The following ZSCAN2 variants were observed in gnomAD, a reference collection of about 807,000 sequenced individuals.
ZSCAN2 encodes zinc finger and SCAN domain-containing protein 2.
In ZSCAN2, 26 loss-of-function variants were observed where a neutral mutation model predicts 47.8. The ratio of observed to expected loss-of-function variants is 0.54; its 90% CI spans 0.40 to 0.75. The LOEUF (loss-of-function observed/expected upper bound fraction) is 0.75. Ranked by LOEUF, ZSCAN2 falls within the 30% of genes least tolerant of loss-of-function variation. ZSCAN2 has a pLI of 0.00. For synonymous variants in ZSCAN2, 305 were observed against 288.7 expected (o/e 1.06, Z -0.57); for missense variants, 732 against 785.4 (o/e 0.93, Z 0.81).
At chr15:84,620,343 T>C (rs568101865) in intron 2 of ZSCAN2, among the ~76,000 whole-genome samples, 198 of 152,334 alleles carry the variant, frequency 1.3e-3, no homozygotes, top group African/African-American at 4.7e-3. Context: ...CAATCTATCA[T>C]TGATGGGCAT....
chr15:84,606,627 C>T, intron 2 of ZSCAN2: 2 of 1,610,698 alleles, frequency 1.2e-6, no homozygotes, highest in Non-Finnish European at 1.7e-6. Flanking sequence ...TGATGGAGGG[C>T]TGAGGAGAGG....
chr15:84,622,439 G>C lies in ZSCAN2; in HGVS notation c.*399G>C. On this transcript the variant is annotated 3_prime_UTR_variant, in exon 3 of 3. Transcript: ENST00000546148. ...AGAAATACTGGAAATCATTGGTGTG[G>C]TTCTGGTTGTTTTGTTGTTTTGCTG... is the stretch of plus-strand genomic sequence containing the variant. The C allele has an allele frequency of 1.6e-6, 1 of 615,444 alleles. No individual in the cohort carries two copies. 38.1% of individuals were successfully genotyped at this position (615,444 alleles called of 1,614,324 possible).
Position 84,621,923 on chromosome 15 carries a change from TC to T in ZSCAN2, c.1729del (p.Gln577SerfsTer33). On this transcript the variant is annotated frameshift_variant, in exon 3 of 3. Coordinates refer to ENST00000546148, the MANE Select transcript of ZSCAN2 (RefSeq NM_181877.4). LOFTEE classifies it high-confidence loss of function. This position sits in a 1 kb window ranked among gnomAD's most constrained non-coding sequence, Gnocchi z 5.7. ...FSWNSVLIIH[Q>X]RIHTGEKPYK... Reference sequence around the variant, plus strand: ...GCTGGAACTCAGTCCTCATTATACATCAGCGAATCCACACTGGGGAGAAGCC... The same window carrying T: ...GCTGGAACTCAGTCCTCATTATACATAGCGAATCCACACTGGGGAGAAGCC... 1 of 1,613,844 alleles carries T rather than the reference TC, an allele frequency of 6.2e-7. No individual in the cohort carries two copies. The highest frequency in any genetic ancestry group is 8.5e-7 in the Non-Finnish European group (1 of 1,179,920).
In ZSCAN2 at chr15:84,621,892, G is replaced by C; in HGVS notation, c.1697G>C (p.Gly566Ala). 1 of 1,614,190 alleles carries C rather than the reference G, an allele frequency of 6.2e-7. No individual in the cohort carries two copies. The highest frequency in any genetic ancestry group is 8.5e-7 in the Non-Finnish European group (1 of 1,180,030). ...KPYRCPECGK[G>A]FSWNSVLIIH... The stretch of plus-strand genomic sequence containing the variant: ...TACAGGTGCCCTGAGTGTGGGAAAG[G>C]CTTTAGCTGGAACTCAGTCCTCATT... Residue 566 changes from glycine to alanine, a missense_variant, in exon 3 of 3, where the codon GGC becomes GCC. Coordinates refer to ENST00000546148, the MANE Select transcript of ZSCAN2 (RefSeq NM_181877.4). This position sits in a 1 kb window ranked among gnomAD's most constrained non-coding sequence, Gnocchi z 5.7.
chr15:84,601,064 G>A lies in ZSCAN2; in HGVS notation c.-180G>A, dbSNP rs949611564. The stretch of plus-strand genomic sequence containing the variant: ...GGGCTTGAGCCGGGGTGAATCTGGA[G>A]GGGCCGGGCCGAGCCCGGGGGCGCT... On this transcript the variant is annotated 5_prime_UTR_variant, in exon 1 of 3. Coordinates refer to ENST00000546148, the MANE Select transcript of ZSCAN2 (RefSeq NM_181877.4). 7.2e-5 allele frequency: 11 copies of A among 152,690 alleles called. No individual in the cohort carries two copies. The highest frequency in any genetic ancestry group is 1.9e-4 in the African/African-American group (8 of 41,590). 9.5% of individuals were successfully genotyped at this position (152,690 alleles called of 1,614,324 possible). A position where few individuals can be genotyped will look rare whatever the true frequency, so the allele number is the denominator to read the frequency against.
At chr15:84,615,745 A>G (rs988602971) in intron 2 of ZSCAN2, among the ~76,000 whole-genome samples, 2 of 151,672 alleles carry the variant, frequency 1.3e-5, no homozygotes, top group African/African-American at 2.4e-5. Context: ...CAAGATGCCT[A>G]TTCCCATTGC....
At position 84,621,872 on chromosome 15, in the gene ZSCAN2, G is replaced by T; in HGVS notation, c.1677G>T (p.Arg559Ser). ...CCCATTTGGGAGACAAGCCCTACAG[G>T]TGCCCTGAGTGTGGGAAAGGCTTTA... is the stretch of plus-strand genomic sequence containing the variant. Reference protein sequence around the residue: ...QRAHLGDKPYRCPECGKGFSW... With the variant: ...QRAHLGDKPYSCPECGKGFSW... Residue 559 changes from arginine (R) to serine (S), a missense_variant, in exon 3 of 3, where the codon AGG becomes AGT. Transcript: ENST00000546148. This position sits in a 1 kb window ranked among gnomAD's most constrained non-coding sequence, Gnocchi z 5.7. The T allele has an allele frequency of 6.2e-7, 1 of 1,614,160 alleles. No individual in the cohort carries two copies. Among genetic ancestry groups the T allele is most frequent in the African/African-American group, 1.3e-5 (1 of 75,032 alleles).
In ZSCAN2 at chr15:84,604,201, G is replaced by T; in HGVS notation, c.274G>T (p.Val92Leu). ...CTGCCGGCGCTGGCTGAGACCAGAG[G>T]TACACACCAAGGAGCAGATGTTAAC... ...ELCRRWLRPE[V>L]HTKEQMLTML... Residue 92 changes from valine to leucine, a missense_variant, in exon 2 of 3, where the codon GTA becomes TTA. Physicochemically the swap from Val to Leu is conservative, Grantham distance 32. Transcript: ENST00000546148. 6.2e-7 allele frequency: 1 copy of T among 1,613,908 alleles called. No individual in the cohort carries two copies. The highest frequency in any genetic ancestry group is 8.5e-7 in the Non-Finnish European group (1 of 1,179,928).
chr15:84,613,981 C>CTTTTTTT lies in ZSCAN2; in HGVS notation c.407-6602_407-6596dup, dbSNP rs35815000. Among the ~76,000 whole-genome samples, 16 of 52,338 alleles carry CTTTTTTT rather than the reference C, an allele frequency of 3.1e-4. 5 individuals carry two copies. The highest frequency in any genetic ancestry group is 1.9e-3 in the South Asian group (2 of 1,028). The allele number at this position is 52,338 out of a possible 152,430, so 34.3% of individuals were successfully genotyped here. A position where few individuals can be genotyped will look rare whatever the true frequency, so the allele number is the denominator to read the frequency against. On this transcript the variant is annotated intron_variant, in intron 2 of 2. Coordinates refer to ENST00000546148, the MANE Select transcript of ZSCAN2 (RefSeq NM_181877.4). Reference sequence around the variant, plus strand: ...AGGTGTGAGCCACTGCTCTTGGCCTCTTTTTTTTTTTTTTTTTTTTTTTTT... The same window carrying CTTTTTTT: ...AGGTGTGAGCCACTGCTCTTGGCCTCTTTTTTTTTTTTTTTTTTTTTTTTTTTTTTTT...
At chr15:84,620,244 C>T (rs952212215) in intron 2 of ZSCAN2, among the ~76,000 whole-genome samples, 17 of 152,180 alleles carry the variant, frequency 1.1e-4, no homozygotes, top group Non-Finnish European at 2.2e-4. Flanking sequence ...GCTTCCAATT[C>T]CATTCATGTC....
rs1413927277 is a variant in ZSCAN2, at chr15:84,604,196, C to T, written c.269C>T (p.Pro90Leu). 1 of 1,613,856 alleles carries T rather than the reference C, an allele frequency of 6.2e-7. No individual in the cohort carries two copies. The highest frequency in any genetic ancestry group is 1.7e-5 in the Admixed American group (1 of 59,968). ...GAGCTCTGCCGGCGCTGGCTGAGAC[C>T]AGAGGTACACACCAAGGAGCAGATG... ...LRELCRRWLR[P>L]EVHTKEQMLT... is the part of the protein sequence containing the mutation. The change falls in exon 2 of 3, where the codon CCA (proline) becomes CTA (leucine). Residue 90 changes from proline (P) to leucine (L), a missense_variant. Physicochemically the swap from Pro to Leu is moderately conservative, Grantham distance 98 (BLOSUM62 -3). Transcript: ENST00000546148.
Position 84,621,143 on chromosome 15 carries a change from C to G in ZSCAN2, c.948C>G (p.Ser316Arg). 6.2e-7 allele frequency: 1 copy of G among 1,614,124 alleles called. No individual in the cohort carries two copies. The highest frequency in any genetic ancestry group is 8.5e-7 in the Non-Finnish European group (1 of 1,180,028). Residue 316 changes from serine to arginine, a missense_variant, in exon 3 of 3, where the codon AGC (serine) becomes AGG (arginine). By Grantham distance (110) the Ser-to-Arg change is moderately radical. This residue lies in a region of ZSCAN2 where 412 missense variants were observed against 498.0 expected (regional missense o/e 0.83). Transcript: ENST00000546148. The surrounding 1 kb of genome is among the most constrained non-coding windows in gnomAD (Gnocchi z 5.7). ...FQCAECGKSF[S>R]RSPNLIAHQR... ...GTGCCGAGTGTGGCAAGAGCTTCAG[C>G]AGGAGTCCCAACCTCATTGCACATC...
intron 2 of ZSCAN2, among the ~76,000 whole-genome samples, chr15:84,605,725 G>T (rs1895361047): frequency 6.6e-6 from 1 of 152,228 alleles, no homozygotes; most frequent in African/African-American, 2.4e-5. Context: ...GAGGCTAGGG[G>T]CAGGAGAGCA....
chr15:84,604,679 G>C (rs7169769), intron 2 of ZSCAN2, among the ~76,000 whole-genome samples: 59,036 of 151,618 alleles, frequency 0.39, 12,129 homozygotes, highest in African/African-American at 0.51. Flanking sequence ...ACATCCAAAT[G>C]GTTCTTGCAA....
chr15:84,610,479 TC>T (rs1895511796), intron 2 of ZSCAN2, among the ~76,000 whole-genome samples: 3 of 131,962 alleles, frequency 2.3e-5, no homozygotes, highest in South Asian at 4.7e-4. Flanking sequence ...TTTCTTTCTT[TC>T]TTTCTTTCTT....
At chr15:84,606,143 G>C (rs1227382654) in intron 2 of ZSCAN2, among the ~76,000 whole-genome samples, 1 of 152,238 alleles carries the variant, frequency 6.6e-6, no homozygotes, top group African/African-American at 2.4e-5. Context: ...ACTGGGAAGA[G>C]AAGAGAAGGA....
Position 84,603,935 on chromosome 15 carries a change from C to A in ZSCAN2, c.8C>A (p.Ala3Asp). The A allele has an allele frequency of 6.2e-7, 1 of 1,612,938 alleles. No homozygotes were observed. The highest frequency in any genetic ancestry group is 8.5e-7 in the Non-Finnish European group (1 of 1,179,504). Residue 3 changes from alanine to aspartate, a missense_variant, in exon 2 of 3, where the codon GCT (alanine) becomes GAT (aspartate). Transcript: ENST00000546148. ...ATTGCCCCAGGACTGTGGATGATGG[C>A]TGCAGACATCCCGAGAGTGACCACT... MM[A>D]ADIPRVTTPL...
In ZSCAN2 at chr15:84,623,014, CTCT is replaced by C; in HGVS notation, c.*979_*981del. 1 of 278,560 alleles carries C rather than the reference CTCT, an allele frequency of 3.6e-6. No individual in the cohort carries two copies. The highest frequency in any genetic ancestry group is 1.1e-3 in the Middle Eastern group (1 of 894). The allele number at this position is 278,560 out of a possible 1,614,324, so 17.3% of individuals were successfully genotyped here. On this transcript the variant is annotated 3_prime_UTR_variant, in exon 3 of 3. Transcript: ENST00000546148. ...TGAATTATTCTATGCACTTGTTTCC[CTCT>C]TCTTTTATTTTTTATTTGATATATG...
At chr15:84,614,375 T>G (rs1401300493) in intron 2 of ZSCAN2, 1 of 152,208 alleles carries the variant, frequency 6.6e-6, no homozygotes, top group Non-Finnish European at 1.5e-5. Context: ...TTATTACAGA[T>G]GAGGCAATCA....
Sources: allele counts gnomAD v4.1 joint callset (sites outside exome capture counted in the v4.1 genomes callset), GRCh38; gene constraint gnomAD v4.1.1; regional missense constraint gnomAD v4.1.1; non-coding constraint Gnocchi (gnomAD v3.1); transcripts MANE v1.5; gene names NCBI Gene and HGNC (gene_info 2026-07-23, HGNC 2026-07-21).